The following SLC17A7 variants were observed in gnomAD, a reference collection of about 807,000 sequenced individuals.
SLC17A7 encodes the protein vesicular glutamate transporter 1.
SLC17A7 carries 15 observed loss-of-function variants against 59.1 expected under a neutral mutation model. The ratio of observed to expected loss-of-function variants is 0.25; its 90% CI spans 0.17 to 0.39. The LOEUF is 0.39. SLC17A7 is among the 10% of genes least tolerant of loss of function. The pLI is 1.00. For missense variants in SLC17A7, 499 were observed against 765.1 expected (o/e 0.65, Z 4.10); for synonymous variants, 353 against 308.9 (o/e 1.14, Z -1.50).
In SLC17A7 at chr19:49,433,307, C is replaced by G. The variant is rs1242430510; in HGVS notation, c.868-347G>C. ...CGGGGGTTTCGCCATGTTGCCCAAG[C>G]TGGTCTGGAACTCCTGGGCTCAAGC... On this transcript the variant is annotated intron_variant, in intron 7 of 11. Coordinates refer to ENST00000221485, the MANE Select transcript of SLC17A7 (RefSeq NM_020309.4). The surrounding 1 kb of genome is among the most constrained non-coding windows in gnomAD (Gnocchi z 5.7). The G allele has an allele frequency of 5.0e-6, 2 of 399,966 alleles. No homozygotes were observed. The highest frequency in any genetic ancestry group is 2.6e-5 in the South Asian group (1 of 39,200). The allele number at this position is 399,966 out of a possible 1,614,324, so 24.8% of individuals were successfully genotyped here. A position where few individuals can be genotyped will look rare whatever the true frequency, so the allele number is the denominator to read the frequency against.
chr19:49,432,340 C>T (rs1433377928), intron 9 of SLC17A7, among the ~76,000 whole-genome samples, 179 bp downstream of exon 9: 3 of 152,208 alleles, frequency 2.0e-5, no homozygotes, highest in Admixed American at 2.0e-4. Flanking sequence ...CGTGACAGTC[C>T]CTTTCATCCA....
At position 49,434,594 on chromosome 19, in the gene SLC17A7, C is replaced by T. The variant is rs749818178; in HGVS notation, c.637+8G>A. 7 of 1,596,638 alleles carry T rather than the reference C, an allele frequency of 4.4e-6. No individual in the cohort carries two copies. The East Asian group carries it at 1.3e-4, about 31-fold the overall frequency. ...AGATTCAGGAGTGAGGATCCCTCTT[C>T]CTCTCACCACAAAAGGCTGTCGTCG... On this transcript the variant is annotated splice_region_variant and intron_variant, in intron 5 of 11. Coordinates refer to ENST00000221485, the MANE Select transcript of SLC17A7 (RefSeq NM_020309.4).
At chr19:49,435,499 A>C in intron 2 of SLC17A7, 1 of 497,686 alleles carries the variant, frequency 2.0e-6, no homozygotes, top group Non-Finnish European at 3.6e-6. Context: ...CTGCCTTAAC[A>C]ACAGAGTCCA....
At position 49,431,783 on chromosome 19, in the gene SLC17A7, T is replaced by G. The variant is rs79525860; in HGVS notation, c.1151-335A>C. ...TCAATCCCCACTCATGAGTTTTTGG[T>G]TTTTTTTTTTTTTAATTTTTGATTT... On this transcript the variant is annotated intron_variant, in intron 9 of 11. Coordinates refer to ENST00000221485, the MANE Select transcript of SLC17A7 (RefSeq NM_020309.4). The surrounding 1 kb of genome is among the most constrained non-coding windows in gnomAD (Gnocchi z 4.6). Among the ~76,000 whole-genome samples, 166 of 12,764 alleles carry G rather than the reference T, an allele frequency of 0.013. No homozygotes were observed. Among genetic ancestry groups the G allele is most frequent in the Non-Finnish European group, 0.037 (134 of 3,650 alleles). 8.4% of individuals were successfully genotyped at this position (12,764 alleles called of 152,430 possible).
At position 49,441,416 on chromosome 19, in the gene SLC17A7, C is replaced by A. The variant is rs1475880483; in HGVS notation, c.-37G>T. 2 of 1,445,564 alleles carry A rather than the reference C, an allele frequency of 1.4e-6. No individual in the cohort carries two copies. Among genetic ancestry groups the A allele is most frequent in the Non-Finnish European group, 1.8e-6 (2 of 1,098,422 alleles). The allele number at this position is 1,445,564 out of a possible 1,614,324, so 89.5% of individuals were successfully genotyped here. A position where few individuals can be genotyped will look rare whatever the true frequency, so the allele number is the denominator to read the frequency against. On this transcript the variant is annotated 5_prime_UTR_variant, in exon 1 of 12. Coordinates refer to ENST00000221485, the MANE Select transcript of SLC17A7 (RefSeq NM_020309.4). ...CTGCCGCCGGTCACCCCGCGGGTCC[C>A]CCCCGCCGATCCCCCCGCCCGCGGG...
At position 49,431,555 on chromosome 19, in the gene SLC17A7, C is replaced by T. The variant is rs2078960091; in HGVS notation, c.1151-107G>A. ...TGCTCCAGCCCCAAACCGCGTCTATCCACCCCAGTCTGGCCACCTCCACGC... is the reference window on the plus strand; with the variant it reads ...TGCTCCAGCCCCAAACCGCGTCTATTCACCCCAGTCTGGCCACCTCCACGC... On this transcript the variant is annotated intron_variant, in intron 9 of 11. Coordinates refer to ENST00000221485, the MANE Select transcript of SLC17A7 (RefSeq NM_020309.4). This position sits in a 1 kb window ranked among gnomAD's most constrained non-coding sequence, Gnocchi z 4.6. 1 of 895,534 alleles carries T rather than the reference C, an allele frequency of 1.1e-6. No individual in the cohort carries two copies. Among genetic ancestry groups the T allele is most frequent in the Non-Finnish European group, 1.7e-6 (1 of 578,856 alleles). 55.5% of individuals were successfully genotyped at this position (895,534 alleles called of 1,614,324 possible).
At chr19:49,438,079 G>A (rs979833979) in intron 1 of SLC17A7, 1 of 150,034 alleles carries the variant, frequency 6.7e-6, no homozygotes, top group South Asian at 2.2e-4. Flanking sequence ...TAGAGAGGGG[G>A]ACAGAGACCC....
Position 49,436,133 on chromosome 19 carries a change from G to C in SLC17A7, c.315+416C>G, listed in dbSNP as rs2078978658. The C allele has an allele frequency of 1.5e-5, 3 of 205,066 alleles. No homozygotes were observed. The highest frequency in any genetic ancestry group is 4.5e-5 in the African/African-American group (2 of 44,098). The allele number at this position is 205,066 out of a possible 1,614,324, so 12.7% of individuals were successfully genotyped here. ...ATGCAGTGGGACGTAGGCAGTGGCA[G>C]GGTTTCAAAAAAGGATCACATTCAG... On this transcript the variant is annotated intron_variant, in intron 2 of 11. Coordinates refer to ENST00000221485, the MANE Select transcript of SLC17A7 (RefSeq NM_020309.4). This position sits in a 1 kb window ranked among gnomAD's most constrained non-coding sequence, Gnocchi z 4.1.
At chr19:49,438,477 G>A (rs2078988273) in intron 1 of SLC17A7, among the ~76,000 whole-genome samples, 1 of 152,034 alleles carries the variant, frequency 6.6e-6, no homozygotes, top group South Asian at 2.1e-4. Context: ...GGACGGGGGA[G>A]GAAGGAACAG....
In SLC17A7 at chr19:49,441,413, T is replaced by TC. The variant is rs780518993; in HGVS notation, c.-35dup. On this transcript the variant is annotated 5_prime_UTR_variant, in exon 1 of 12. Coordinates refer to ENST00000221485, the MANE Select transcript of SLC17A7 (RefSeq NM_020309.4). ...CTCCTGCCGCCGGTCACCCCGCGGGTCCCCCCCGCCGATCCCCCCGCCCGC... is the reference window on the plus strand; with the variant it reads ...CTCCTGCCGCCGGTCACCCCGCGGGTCCCCCCCCGCCGATCCCCCCGCCCGC... 4.9e-4 allele frequency: 703 copies of TC among 1,434,060 alleles called. 5 individuals carry two copies. In the African/African-American group the frequency reaches 9.3e-3, roughly 19 times the overall value. The allele number at this position is 1,434,060 out of a possible 1,614,324, so 88.8% of individuals were successfully genotyped here.
In SLC17A7 at chr19:49,436,469, GGTGA is replaced by G. The variant is rs2078979982; in HGVS notation, c.315+76_315+79del. On this transcript the variant is annotated intron_variant, in intron 2 of 11. Transcript: ENST00000221485. The surrounding 1 kb of genome is among the most constrained non-coding windows in gnomAD (Gnocchi z 4.1). ...AGGGGCGTGGCCTGGACGTCTGGTG[GGTGA>G]GTGTGACGTCATGGGGGCGTAGGCG... 7.1e-6 allele frequency: 11 copies of G among 1,542,950 alleles called. No individual in the cohort carries two copies. The highest frequency in any genetic ancestry group is 3.5e-5 in the Admixed American group (2 of 57,874).
At position 49,430,702 on chromosome 19, in the gene SLC17A7, A is replaced by T; in HGVS notation, c.1500T>A (p.Pro500=). 2.5e-6 allele frequency: 4 copies of T among 1,614,108 alleles called. No individual in the cohort carries two copies. Among genetic ancestry groups the T allele is most frequent in the Non-Finnish European group, 3.4e-6 (4 of 1,179,980 alleles). The change falls in exon 12 of 12, where the codon CCT becomes CCA. Residue 500 remains proline (P), a synonymous_variant. Transcript: ENST00000221485. ...ASGEKQPWAE[P]EEMSEEKCGF... ...CACACTTCTCCTCGCTCATCTCCTC[A>T]GGCTCTGCCCACGGCTGCTTCTCTC...
Position 49,436,891 on chromosome 19 carries a change from C to A in SLC17A7, c.63-90G>T. 2 of 1,493,756 alleles carry A rather than the reference C, an allele frequency of 1.3e-6. No homozygotes were observed. The highest frequency in any genetic ancestry group is 2.5e-5 in the South Asian group (2 of 80,294). 92.5% of individuals were successfully genotyped at this position (1,493,756 alleles called of 1,614,324 possible). ...AGGATCCAGGGCAAAACCTGCTTTT[C>A]AACATCCAGAATTCTAAGCCCGCAC... On this transcript the variant is annotated intron_variant, in intron 1 of 11. Transcript: ENST00000221485. This position sits in a 1 kb window ranked among gnomAD's most constrained non-coding sequence, Gnocchi z 4.1.
At position 49,430,290 on chromosome 19, in the gene SLC17A7, G is replaced by A. The variant is rs2078953246; in HGVS notation, c.*229C>T. 1 of 451,960 alleles carries A rather than the reference G, an allele frequency of 2.2e-6. No individual in the cohort carries two copies. The highest frequency in any genetic ancestry group is 4.0e-5 in the Admixed American group (1 of 24,796). 28.0% of individuals were successfully genotyped at this position (451,960 alleles called of 1,614,324 possible). On this transcript the variant is annotated 3_prime_UTR_variant, in exon 12 of 12. Coordinates refer to ENST00000221485, the MANE Select transcript of SLC17A7 (RefSeq NM_020309.4). ...CCACTGAGGCAGAACGGGTGGAGAG[G>A]GAACCTTTAGGGGAATTTGGGTATC...
chr19:49,431,022 T>C lies in SLC17A7; in HGVS notation c.1382A>G (p.Lys461Arg). The change falls in exon 11 of 12, where the codon AAG (lysine) becomes AGG (arginine). Residue 461 changes from lysine to arginine, a missense_variant. Physicochemically the swap from Lys to Arg is conservative, Grantham distance 26. Coordinates refer to ENST00000221485, the MANE Select transcript of SLC17A7 (RefSeq NM_020309.4). This position sits in a 1 kb window ranked among gnomAD's most constrained non-coding sequence, Gnocchi z 4.6. ...CAGGACTGCGGCACCCACCTTGTGCTTAGTCATGGCCCCCACGATGATGGG... is the reference window on the plus strand; with the variant it reads ...CAGGACTGCGGCACCCACCTTGTGCCTAGTCATGGCCCCCACGATGATGGG... ...VCPIIVGAMT[K>R]HKTREEWQYV... 6.2e-7 allele frequency: 1 copy of C among 1,609,110 alleles called. No homozygotes were observed. The highest frequency in any genetic ancestry group is 1.1e-5 in the South Asian group (1 of 90,868).
chr19:49,435,290 C>A lies in SLC17A7; in HGVS notation c.316-4G>T, dbSNP rs368643905. ...GATCCCAGCTGAACTGGGCTTTCTG[C>A]GGGCCAAAATGTACATTAAATCAGC... On this transcript the variant is annotated splice_region_variant and splice_polypyrimidine_tract_variant and intron_variant, in intron 2 of 11. Transcript: ENST00000221485. The A allele has an allele frequency of 1.9e-6, 3 of 1,608,210 alleles. No homozygotes were observed. The highest frequency in any genetic ancestry group is 1.7e-5 in the Admixed American group (1 of 59,912).
chr19:49,431,702 A>G lies in SLC17A7; in HGVS notation c.1151-254T>C, dbSNP rs1286120742. On this transcript the variant is annotated intron_variant, in intron 9 of 11. Transcript: ENST00000221485. This position sits in a 1 kb window ranked among gnomAD's most constrained non-coding sequence, Gnocchi z 4.6. ...GCCCCTCCCGTAGCTCCACCCCTTG[A>G]CTAGGCCACTCCCCGAACACGCAGG... is the stretch of plus-strand genomic sequence containing the variant. Among the ~76,000 whole-genome samples the G allele has an allele frequency of 1.3e-5, 2 of 151,152 alleles. No homozygotes were observed. Among genetic ancestry groups the G allele is most frequent in the Non-Finnish European group, 2.9e-5 (2 of 67,906 alleles).
chr19:49,437,961 G>T (rs928656464), intron 1 of SLC17A7: 19 of 151,072 alleles, frequency 1.3e-4, no homozygotes, highest in African/African-American at 4.2e-4. Flanking sequence ...GAGATACAGC[G>T]GGACAGAGAC....
chr19:49,441,427 C>G lies in SLC17A7; in HGVS notation c.-48G>C. ...CACCCCGCGGGTCCCCCCCGCCGAT[C>G]CCCCCGCCCGCGGGCCCGGGCGGCC... On this transcript the variant is annotated 5_prime_UTR_variant, in exon 1 of 12. Transcript: ENST00000221485. The G allele has an allele frequency of 7.1e-7, 1 of 1,407,968 alleles. No individual in the cohort carries two copies. The highest frequency in any genetic ancestry group is 9.3e-7 in the Non-Finnish European group (1 of 1,078,342). The allele number at this position is 1,407,968 out of a possible 1,614,324, so 87.2% of individuals were successfully genotyped here. A position where few individuals can be genotyped will look rare whatever the true frequency, so the allele number is the denominator to read the frequency against.
Sources: allele counts gnomAD v4.1 joint callset (sites outside exome capture counted in the v4.1 genomes callset), GRCh38; gene constraint gnomAD v4.1.1; non-coding constraint Gnocchi (gnomAD v3.1); transcripts MANE v1.5; gene names NCBI Gene and HGNC (gene_info 2026-07-23, HGNC 2026-07-21).